Variants in LPIN1 observed in about 807,000 individuals in gnomAD.
LPIN1 encodes the protein lipin 1.
In LPIN1, 71 loss-of-function variants were observed where a neutral mutation model predicts 107.5. The observed-to-expected ratio is 0.66, with a 90% CI of 0.55 to 0.80. The LOEUF is 0.80. Among genes scored for constraint, LPIN1 ranks in the 30% least tolerant of loss-of-function variants. The probability of loss-of-function intolerance (pLI) is 0.00; values close to 1 mark genes in which losing one functional copy is unlikely to be tolerated. For synonymous variants in LPIN1, 445 were observed against 452.6 expected, an observed-to-expected ratio of 0.98 and a Z score of 0.21; for missense variants, 1,043 against 1,160.6, an observed-to-expected ratio of 0.90 and a Z score of 1.47.
intron 2 of LPIN1, among the ~76,000 whole-genome samples, chr2:11,767,010 C>T (rs573086003): frequency 2.0e-5 from 3 of 152,154 alleles, no homozygotes; most frequent in South Asian, 4.2e-4. Flanking sequence ...CAGTCAGTTG[C>T]GAGCTTAGAA....
intron 2 of LPIN1, among the ~76,000 whole-genome samples, chr2:11,767,070 G>A (rs976644258): frequency 6.6e-6 from 1 of 152,186 alleles, no homozygotes; most frequent in Non-Finnish European, 1.5e-5. Flanking sequence ...GGAAGAGCAG[G>A]TAGGACCAGG....
intron 1 of LPIN1, among the ~76,000 whole-genome samples, chr2:11,710,763 G>A (rs1170776423): frequency 6.6e-6 from 1 of 152,144 alleles, no homozygotes; most frequent in Non-Finnish European, 1.5e-5. Context: ...GGAATTCAAA[G>A]CCAGGTTCAT....
In LPIN1 at chr2:11,693,822, A is replaced by ATTT. The variant is rs34409476; in HGVS notation, c.81+16122_81+16124dup. Reference sequence around the variant, plus strand: ...TATATATATATATATATATATATATATTTTTTTTTTTTTTTTTTTTTTTTT... The same window carrying ATTT: ...TATATATATATATATATATATATATATTTTTTTTTTTTTTTTTTTTTTTTTTTT... On this transcript the variant is annotated intron_variant, in intron 1 of 21. Transcript: ENST00000449576. 2.2e-3 allele frequency among the ~76,000 whole-genome samples: 42 copies of ATTT among 18,982 alleles called. 2 individuals carry two copies. The highest frequency in any genetic ancestry group is 2.4e-3 in the African/African-American group (15 of 6,282). The allele number at this position is 18,982 out of a possible 152,430, so 12.5% of individuals were successfully genotyped here. A position where few individuals can be genotyped will look rare whatever the true frequency, so the allele number is the denominator to read the frequency against.
chr2:11,747,655 C>T (rs1306108834), intron 1 of LPIN1, among the ~76,000 whole-genome samples: 2 of 152,014 alleles, frequency 1.3e-5, no homozygotes, highest in African/African-American at 2.4e-5. Context: ...TCCTTTGTTC[C>T]GTAATTTGGG....
Position 11,697,425 on chromosome 2 carries a change from G to A in LPIN1, c.82-16331G>A, listed in dbSNP as rs1662643608. 6.6e-6 allele frequency among the ~76,000 whole-genome samples: 1 copy of A among 152,236 alleles called. No homozygotes were observed. The highest frequency in any genetic ancestry group is 1.5e-5 in the Non-Finnish European group (1 of 68,050). On this transcript the variant is annotated intron_variant, in intron 1 of 21. Coordinates refer to the LPIN1 transcript ENST00000449576. The surrounding 1 kb of genome is among the most constrained non-coding windows in gnomAD (Gnocchi z 4.6). ...GAAGCAGCCCCCGTGGGCCACTGTG[G>A]GGCTGCACCAGGAGCTGTGCTCGGC...
intron 1 of LPIN1, among the ~76,000 whole-genome samples, chr2:11,725,102 A>C (rs1429478598): frequency 1.3e-5 from 2 of 152,132 alleles, no homozygotes; most frequent in Non-Finnish European, 2.9e-5. Context: ...TCTACTAAAA[A>C]TACAAAACAT....
chr2:11,737,255 A>C (rs1202264582), intron 1 of LPIN1, among the ~76,000 whole-genome samples: 1 of 152,268 alleles, frequency 6.6e-6, no homozygotes, highest in Non-Finnish European at 1.5e-5. Flanking sequence ...AAAGACTTAA[A>C]CATAAGACCT....
At chr2:11,792,265 G>A (rs540054402) in intron 13 of LPIN1, 5 of 388,894 alleles carry the variant, frequency 1.3e-5, no homozygotes, top group South Asian at 9.4e-5. Context: ...CTCCCTCATG[G>A]TAAGATTTCG....
chr2:11,824,725 C>CT lies in LPIN1; in HGVS notation c.2717dup (p.Thr907HisfsTer11), dbSNP rs1159069179. On this transcript the variant is annotated frameshift_variant, in exon 21 of 21. Transcript: ENST00000674199. LOFTEE classifies it high-confidence loss of function. ...TTCCCTGTTCGGATACCTTCAGTAACTTCACCTTTTGGAGAGAGCCACTGC... is the reference window on the plus strand; with the variant it reads ...TTCCCTGTTCGGATACCTTCAGTAACTTTCACCTTTTGGAGAGAGCCACTGC... 5 of 1,614,192 alleles carry CT rather than the reference C, an allele frequency of 3.1e-6. No homozygotes were observed. The South Asian group carries it at 5.5e-5, about 18-fold the overall frequency.
chr2:11,712,702 T>C (rs1425474035), intron 1 of LPIN1, among the ~76,000 whole-genome samples: 2 of 152,152 alleles, frequency 1.3e-5, no homozygotes, highest in Non-Finnish European at 2.9e-5. Flanking sequence ...GTTTAGGGGC[T>C]TCTGGGGCTG....
chr2:11,767,526 C>T (rs191263456), intron 2 of LPIN1: 3 of 549,572 alleles, frequency 5.5e-6, no homozygotes, highest in African/African-American at 1.9e-5. Flanking sequence ...TTTGCACCAA[C>T]GTACTGTTTT....
At chr2:11,738,799 A>C (rs1050834924) in intron 1 of LPIN1, among the ~76,000 whole-genome samples, 1 of 152,140 alleles carries the variant, frequency 6.6e-6, no homozygotes, top group Non-Finnish European at 1.5e-5. Context: ...AGCCACAGAG[A>C]ATGGTTCAGA....
At chr2:11,702,266 G>A (rs1662911089) in intron 1 of LPIN1, among the ~76,000 whole-genome samples, 1 of 152,202 alleles carries the variant, frequency 6.6e-6, no homozygotes, top group Admixed American at 6.5e-5. Context: ...AACGGGCTTA[G>A]GGCTGGCTAG....
chr2:11,744,996 C>T (rs763711199), upstream of LPIN1, among the ~76,000 whole-genome samples: 5 of 152,240 alleles, frequency 3.3e-5, no homozygotes, highest in East Asian at 3.8e-4. Context: ...GGACGGGAGC[C>T]GCGCCCCTGG....
intron 17 of LPIN1, among the ~76,000 whole-genome samples, chr2:11,812,839 T>C (rs570431256): frequency 6.6e-6 from 1 of 151,808 alleles, no homozygotes; most frequent in South Asian, 2.1e-4. Context: ...AGCAGGGAGG[T>C]CATTCAAGAT....
intron 1 of LPIN1, among the ~76,000 whole-genome samples, chr2:11,757,200 C>T (rs554916488): frequency 2.1e-4 from 32 of 152,302 alleles, no homozygotes; most frequent in African/African-American, 6.3e-4. Context: ...ATCTGAAAGC[C>T]GTTCCACTGG....
intron 11 of LPIN1, among the ~76,000 whole-genome samples, chr2:11,787,943 A>G (rs1674948008): frequency 6.6e-6 from 1 of 150,740 alleles, no homozygotes; most frequent in African/African-American, 2.4e-5. Context: ...TCTGTCTCAA[A>G]AAAAAAAAAA....
intron 1 of LPIN1, among the ~76,000 whole-genome samples, chr2:11,713,290 A>C (rs1193703283): frequency 6.6e-6 from 1 of 152,200 alleles, no homozygotes; most frequent in Non-Finnish European, 1.5e-5. Context: ...TGTTTGTTTG[A>C]GATGGATTTT....
chr2:11,805,212 C>G (rs1228050593), intron 17 of LPIN1, 56 bp downstream of exon 17: 1 of 1,289,692 alleles, frequency 7.8e-7, no homozygotes, highest in African/African-American at 1.5e-5. Flanking sequence ...GTGCACCGCA[C>G]TCTGCATATG....
Sources: allele counts gnomAD v4.1 joint callset (sites outside exome capture counted in the v4.1 genomes callset), GRCh38; gene constraint gnomAD v4.1.1; non-coding constraint Gnocchi (gnomAD v3.1); transcripts MANE v1.5; gene names NCBI Gene and HGNC (gene_info 2026-07-23, HGNC 2026-07-21).